GRHL3: variants seen among roughly 807,000 people sequenced by gnomAD.
GRHL3 encodes grainyhead like transcription factor 3, also known as grainyhead-like protein 3 homolog.
GRHL3 carries 20 observed loss-of-function variants against 70.3 expected under a neutral mutation model. The observed-to-expected ratio is 0.28, with a 90% CI of 0.20 to 0.41. The LOEUF (loss-of-function observed/expected upper bound fraction) is 0.41, where lower values mean the gene tolerates loss of function less well. GRHL3 is among the 10% of genes least tolerant of loss of function. GRHL3 has a pLI of 1.00. For synonymous variants in GRHL3, 299 were observed against 299.9 expected, an observed-to-expected ratio of 1.00 and a Z score of 0.03; for missense variants, 637 against 762.3, an observed-to-expected ratio of 0.84 and a Z score of 1.94.
In GRHL3 at chr1:24,350,043, G is replaced by T; in HGVS notation, c.1630-15G>T. 1 of 1,606,966 alleles carries T rather than the reference G, an allele frequency of 6.2e-7. No individual in the cohort carries two copies. Among genetic ancestry groups the T allele is most frequent in the Non-Finnish European group, 8.5e-7 (1 of 1,174,148 alleles). On this transcript the variant is annotated splice_polypyrimidine_tract_variant and intron_variant, in intron 14 of 15. Transcript: ENST00000361548. ...GTGGGCAGCAGGCAATGAATCACCTGTCTTTTCCTTCCAGATCTCTGAGAA... is the reference window on the plus strand; with the variant it reads ...GTGGGCAGCAGGCAATGAATCACCTTTCTTTTCCTTCCAGATCTCTGAGAA...
Position 24,334,723 on chromosome 1 carries a change from C to T in GRHL3, c.266+17C>T. The stretch of plus-strand genomic sequence containing the variant: ...AGGAAAGAGGTGAGGCTTGCCAACA[C>T]CCTCTGCCTCTTTGCCCTTCCCCAC... On this transcript the variant is annotated intron_variant, in intron 3 of 15. Transcript: ENST00000361548. This position sits in a 1 kb window ranked among gnomAD's most constrained non-coding sequence, Gnocchi z 4.3. 2.5e-6 allele frequency: 4 copies of T among 1,603,064 alleles called. No individual in the cohort carries two copies. Among genetic ancestry groups the T allele is most frequent in the Non-Finnish European group, 3.4e-6 (4 of 1,174,066 alleles).
chr1:24,331,416 T>G lies in GRHL3; in HGVS notation c.18-10T>G, dbSNP rs772683095. ...ATAGCCTAAATTTGACTCTCCTTAC[T>G]TGCATTCAGTTTCAGGTCTGTGCGG... On this transcript the variant is annotated splice_polypyrimidine_tract_variant and intron_variant, in intron 1 of 15. Coordinates refer to ENST00000361548, the MANE Select transcript of GRHL3 (RefSeq NM_198173.3). The G allele has an allele frequency of 5.6e-6, 9 of 1,603,696 alleles. No homozygotes were observed. The Admixed American group carries it at 1.0e-4, about 18-fold the overall frequency.
intron 13 of GRHL3, 59 bp downstream of exon 13, chr1:24,346,700 T>G (rs79634591): frequency 3.0e-6 from 4 of 1,339,970 alleles, no homozygotes; most frequent in Non-Finnish European, 4.2e-6. Flanking sequence ...ACCTCCCTCA[T>G]GGGCTTTCCC....
intron 2 of GRHL3, among the ~76,000 whole-genome samples, chr1:24,332,501 T>C (rs1021976201): frequency 1.3e-5 from 2 of 152,314 alleles, no homozygotes; most frequent in South Asian, 2.1e-4. Flanking sequence ...TGCTAATGGA[T>C]TGCAGCCTGC....
intron 6 of GRHL3, 82 bp downstream of exon 6, chr1:24,337,871 GA>G: frequency 1.3e-6 from 2 of 1,590,484 alleles, no homozygotes; most frequent in Non-Finnish European, 1.7e-6. Context: ...GGACCCTGGG[GA>G]AAGGCTGTTT....
rs1336078863 is a variant in GRHL3, at chr1:24,334,776, T to A, written c.266+70T>A. 1 of 1,289,866 alleles carries A rather than the reference T, an allele frequency of 7.8e-7. No homozygotes were observed. The highest frequency in any genetic ancestry group is 1.1e-6 in the Non-Finnish European group (1 of 903,364). The allele number at this position is 1,289,866 out of a possible 1,614,324, so 79.9% of individuals were successfully genotyped here. On this transcript the variant is annotated intron_variant, in intron 3 of 15. Transcript: ENST00000361548. The surrounding 1 kb of genome is among the most constrained non-coding windows in gnomAD (Gnocchi z 4.3). ...CCACCTGGAGCCTCTTCCACACAGG[T>A]TTGACTTATCCATTAGGCACAGGAG... is the stretch of plus-strand genomic sequence containing the variant.
rs924261544 is a variant in GRHL3, at chr1:24,322,974, G to C, written c.17+3406G>C. ...TCACGGAAGCACTGGGATCTTAACC[G>C]GGTCTTAGCCGAGCAGCCATAGGCC... On this transcript the variant is annotated intron_variant, in intron 1 of 15. Coordinates refer to ENST00000361548, the MANE Select transcript of GRHL3 (RefSeq NM_198173.3). This position sits in a 1 kb window ranked among gnomAD's most constrained non-coding sequence, Gnocchi z 4.4. 15 of 940,906 alleles carry C rather than the reference G, an allele frequency of 1.6e-5. No individual in the cohort carries two copies. The highest frequency in any genetic ancestry group is 2.2e-5 in the Admixed American group (1 of 45,102). 58.3% of individuals were successfully genotyped at this position (940,906 alleles called of 1,614,324 possible).
chr1:24,350,724 T>C (rs185587486), intron 15 of GRHL3, among the ~76,000 whole-genome samples: 1 of 152,174 alleles, frequency 6.6e-6, no homozygotes, highest in African/African-American at 2.4e-5. Context: ...TGGGAGTCAT[T>C]TTGAGGGAAT....
chr1:24,333,548 C>T (rs866246533), intron 2 of GRHL3, among the ~76,000 whole-genome samples: 5 of 152,170 alleles, frequency 3.3e-5, no homozygotes, highest in African/African-American at 7.2e-5. Flanking sequence ...TTATATAGTG[C>T]TCTCCATGTG....
chr1:24,338,439 A>C lies in GRHL3; in HGVS notation c.952+336A>C, dbSNP rs72878820. ...AGCAGGTTCGGAAGGCCTGAGGCAC[A>C]GCACAGGACGTTCAGCTTTTGGGAG... On this transcript the variant is annotated intron_variant, in intron 7 of 15. Coordinates refer to ENST00000361548, the MANE Select transcript of GRHL3 (RefSeq NM_198173.3). 9.2e-3 allele frequency among the ~76,000 whole-genome samples: 1,399 copies of C among 152,372 alleles called. 18 individuals are homozygous for C. Among genetic ancestry groups the C allele is most frequent in the African/African-American group, 0.032 (1,311 of 41,590 alleles).
chr1:24,339,844 G>T, intron 8 of GRHL3, 82 bp downstream of exon 8: 3 of 839,016 alleles, frequency 3.6e-6, no homozygotes, highest in Middle Eastern at 3.4e-4. Flanking sequence ...CTTGCACCTA[G>T]GATAGTGTCA....
In GRHL3 at chr1:24,331,574, A is replaced by C; in HGVS notation, c.166A>C (p.Ser56Arg). 1 of 1,613,986 alleles carries C rather than the reference A, an allele frequency of 6.2e-7. No individual in the cohort carries two copies. The highest frequency in any genetic ancestry group is 8.5e-7 in the Non-Finnish European group (1 of 1,179,914). ...GATGAGAGTCAATGGAGATGATGAC[A>C]GTGTTGCGGCCTTGAGCTTCCTCTA... is the stretch of plus-strand genomic sequence containing the variant. ...AMMRVNGDDDSVAALSFLYDY... is the reference protein window; with the variant it reads ...AMMRVNGDDDRVAALSFLYDY... The change falls in exon 2 of 16, where the codon AGT (serine) becomes CGT (arginine). Residue 56 changes from serine (S) to arginine (R), a missense_variant. Coordinates refer to ENST00000361548, the MANE Select transcript of GRHL3 (RefSeq NM_198173.3).
At chr1:24,351,261 A>G (rs572715894) in intron 15 of GRHL3, among the ~76,000 whole-genome samples, 7 of 152,222 alleles carry the variant, frequency 4.6e-5, no homozygotes, top group Non-Finnish European at 1.0e-4. Flanking sequence ...CTCAAGCTGA[A>G]TCCCCATCTC....
intron 1 of GRHL3, among the ~76,000 whole-genome samples, chr1:24,324,409 A>G (rs1639314554): frequency 6.6e-6 from 1 of 152,218 alleles, no homozygotes. Flanking sequence ...AGGAAGAGAT[A>G]TCCCGATTCA....
At chr1:24,329,355 G>A (rs1639516681) in intron 1 of GRHL3, among the ~76,000 whole-genome samples, 1 of 152,192 alleles carries the variant, frequency 6.6e-6, no homozygotes, top group Non-Finnish European at 1.5e-5. Flanking sequence ...GCAGCAGGAG[G>A]GTACTTCATG....
intron 1 of GRHL3, among the ~76,000 whole-genome samples, chr1:24,330,906 G>A (rs918619963): frequency 6.6e-6 from 1 of 152,220 alleles, no homozygotes; most frequent in Non-Finnish European, 1.5e-5. Flanking sequence ...CCCAGACCAG[G>A]TTCTGCCTAA....
intron 8 of GRHL3, among the ~76,000 whole-genome samples, 186 bp from the exon 9 acceptor site, chr1:24,341,929 C>G (rs918897021): frequency 2.0e-5 from 3 of 152,214 alleles, no homozygotes; most frequent in Non-Finnish European, 4.4e-5. Flanking sequence ...GAAAGTTGCC[C>G]CACCTCTCTG....
At chr1:24,353,285 C>T (rs1027002924) in intron 15 of GRHL3, among the ~76,000 whole-genome samples, 2 of 152,140 alleles carry the variant, frequency 1.3e-5, no homozygotes, top group African/African-American at 2.4e-5. Flanking sequence ...TCTAATTCAT[C>T]TCCATATGGT....
At chr1:24,327,648 G>A (rs1178360384) in intron 1 of GRHL3, among the ~76,000 whole-genome samples, 1 of 152,156 alleles carries the variant, frequency 6.6e-6, no homozygotes, top group Non-Finnish European at 1.5e-5. Flanking sequence ...CTTGGACAAG[G>A]ACACCAACAG....
Sources: allele counts gnomAD v4.1 joint callset (sites outside exome capture counted in the v4.1 genomes callset), GRCh38; gene constraint gnomAD v4.1.1; non-coding constraint Gnocchi (gnomAD v3.1); transcripts MANE v1.5; gene names NCBI Gene and HGNC (gene_info 2026-07-23, HGNC 2026-07-21).